TALDO1: variants seen among roughly 807,000 people sequenced by gnomAD.
The protein encoded by TALDO1 is transaldolase 1.
Under a neutral mutation model 38.1 loss-of-function variants are expected in TALDO1, and 29 were observed. That is an observed-to-expected ratio of 0.76 (90% CI 0.57 to 1.04). The LOEUF is 1.04. Ranked by LOEUF, TALDO1 falls within the 50% of genes least tolerant of loss-of-function variation. The pLI, the probability that TALDO1 is intolerant of heterozygous loss-of-function variation, is 0.00. For missense variants in TALDO1, 499 were observed against 438.1 expected (o/e 1.14, Z -1.24); for synonymous variants, 207 against 176.8 (o/e 1.17, Z -1.36).
chr11:764,946 G>C lies in TALDO1; in HGVS notation c.*101G>C. ...CTTGCGTTTTTTACAAATTGGAGCA[G>C]GGACAGATCATAGATTTCTGATTTT... On this transcript the variant is annotated 3_prime_UTR_variant, in exon 8 of 8. Coordinates refer to ENST00000319006, the MANE Select transcript of TALDO1 (RefSeq NM_006755.2). The C allele has an allele frequency of 6.7e-7, 1 of 1,503,186 alleles. No individual in the cohort carries two copies. Among genetic ancestry groups the C allele is most frequent in the Non-Finnish European group, 9.2e-7 (1 of 1,082,066 alleles). The allele number at this position is 1,503,186 out of a possible 1,614,324, so 93.1% of individuals were successfully genotyped here.
At chr11:763,314 GCCCC>G in intron 4 of TALDO1, 26 bp from the exon 5 acceptor site, 6 of 568,282 alleles carry the variant, frequency 1.1e-5, no homozygotes, top group Non-Finnish European at 1.0e-5. Context: ...GCCCTCACCT[GCCCC>G]GCCCTCACCT....
intron 1 of TALDO1, among the ~76,000 whole-genome samples, chr11:753,975 G>A (rs1862792204): frequency 6.6e-6 from 1 of 151,246 alleles, no homozygotes; most frequent in Admixed American, 6.6e-5. Flanking sequence ...TGGTTACTCT[G>A]AAGAAAAAAA....
chr11:763,349 T>G lies in TALDO1; in HGVS notation c.467T>G (p.Leu156Arg). 1 of 1,571,346 alleles carries G rather than the reference T, an allele frequency of 6.4e-7. No homozygotes were observed. The highest frequency in any genetic ancestry group is 8.7e-7 in the Non-Finnish European group (1 of 1,155,738). ...CACCTGTCCCCGCCCCGCAGGGAGC[T>G]CGAGGAGCAGCACGGCATCCACTGC... is the stretch of plus-strand genomic sequence containing the variant. ...TWEGIQAGKE[L>R]EEQHGIHCNM... Residue 156 changes from leucine to arginine, a missense_variant, in exon 5 of 8, where the codon CTC (leucine) becomes CGC (arginine). By Grantham distance (102) the Leu-to-Arg change is moderately radical (BLOSUM62 -2). Transcript: ENST00000319006.
chr11:760,402 T>C, intron 4 of TALDO1, 149 bp downstream of exon 4: 2 of 1,207,802 alleles, frequency 1.7e-6, no homozygotes, highest in Non-Finnish European at 2.4e-6. Flanking sequence ...GACCAGCTCA[T>C]GTCAGCCTAG....
chr11:755,808 G>A, intron 1 of TALDO1, 71 bp from the exon 2 acceptor site: 1 of 1,611,666 alleles, frequency 6.2e-7, no homozygotes, highest in Non-Finnish European at 8.5e-7. Flanking sequence ...GGAATTACAG[G>A]GTTCCTTCAC....
At chr11:760,100 TG>T (rs970361727) in intron 3 of TALDO1, 21 bp from the exon 4 acceptor site, 12 of 1,613,290 alleles carry the variant, frequency 7.4e-6, no homozygotes, top group South Asian at 4.4e-5. Flanking sequence ...TCTGAGGGGA[TG>T]GGTTCTTCTT....
chr11:748,401 G>A (rs1449953313), intron 1 of TALDO1, among the ~76,000 whole-genome samples: 1 of 136,110 alleles, frequency 7.3e-6, no homozygotes, highest in Non-Finnish European at 1.6e-5. Context: ...ACATTGGAGA[G>A]AACTTGGAAA....
intron 2 of TALDO1, 123 bp from the exon 3 acceptor site, chr11:758,827 G>T: frequency 1.5e-6 from 1 of 659,482 alleles, no homozygotes; most frequent in Admixed American, 1.9e-5. Flanking sequence ...GGATGGTCTT[G>T]ATCTCCTGAC....
rs1281117342 is a variant in TALDO1, at chr11:763,451, T to C, written c.569T>C (p.Val190Ala). 5 of 1,613,326 alleles carry C rather than the reference T, an allele frequency of 3.1e-6. No individual in the cohort carries two copies. Among genetic ancestry groups the C allele is most frequent in the Non-Finnish European group, 3.4e-6 (4 of 1,179,856 alleles). ...EAGVTLISPF[V>A]GRILDWHVAN... is the part of the protein sequence containing the mutation. ...GGTGTGACCCTCATCTCCCCATTTGTTGGGCGCATCCTTGATTGGCATGTG... is the reference window on the plus strand; with the variant it reads ...GGTGTGACCCTCATCTCCCCATTTGCTGGGCGCATCCTTGATTGGCATGTG... The change falls in exon 5 of 8, where the codon GTT (valine) becomes GCT (alanine). Residue 190 changes from valine (V) to alanine (A), a missense_variant. Physicochemically the swap from Val to Ala is moderately conservative, Grantham distance 64. Coordinates refer to ENST00000319006, the MANE Select transcript of TALDO1 (RefSeq NM_006755.2).
chr11:755,941 C>G lies in TALDO1; in HGVS notation c.160C>G (p.Gln54Glu). 6.2e-7 allele frequency: 1 copy of G among 1,614,206 alleles called. No homozygotes were observed. The highest frequency in any genetic ancestry group is 8.5e-7 in the Non-Finnish European group (1 of 1,180,034). The change falls in exon 2 of 8, where the codon CAG (glutamine) becomes GAG (glutamate). Residue 54 changes from glutamine (Q) to glutamate (E), a missense_variant. Transcript: ENST00000319006. ...CCCGTCCCTGATCCTGGCCGCAGCA[C>G]AGATGCCCGCTTACCAGGAGCTGGT... ...TNPSLILAAA[Q>E]MPAYQELVEE...
In TALDO1 at chr11:760,248, T is replaced by G. The variant is rs1243160190; in HGVS notation, c.456T>G (p.Ala152=). ...CATCAACCTGGGAAGGAATTCAGGC[T>G]GGAAAGTAAGTGGTCCCCCACAAGG... ...KLSSTWEGIQ[A]GKELEEQHGI... Residue 152 remains alanine, a synonymous_variant, in exon 4 of 8, where the codon GCT becomes GCG. Transcript: ENST00000319006. 1 of 1,614,038 alleles carries G rather than the reference T, an allele frequency of 6.2e-7. No individual in the cohort carries two copies. The highest frequency in any genetic ancestry group is 1.1e-5 in the South Asian group (1 of 91,088).
intron 2 of TALDO1, among the ~76,000 whole-genome samples, 157 bp from the exon 3 acceptor site, chr11:758,793 G>C (rs1050684252): frequency 6.6e-6 from 1 of 152,062 alleles, no homozygotes; most frequent in Non-Finnish European, 1.5e-5. Context: ...TTTTAGTGGA[G>C]ACGGGGTTTC....
At chr11:763,007 TTG>T (rs1862965367) in intron 4 of TALDO1, among the ~76,000 whole-genome samples, 1 of 152,206 alleles carries the variant, frequency 6.6e-6, no homozygotes, top group African/African-American at 2.4e-5. Context: ...CCTTTGTCTA[TTG>T]TGTCATGTGG....
At chr11:755,857 C>A (rs1283182462) in intron 1 of TALDO1, 22 bp from the exon 2 acceptor site, 8 of 1,614,152 alleles carry the variant, frequency 5.0e-6, no homozygotes, top group Non-Finnish European at 6.8e-6. Context: ...CTTACTTTGG[C>A]TTTTGAAAAC....
In TALDO1 at chr11:764,440, G is replaced by A. The variant is rs1564994977; in HGVS notation, c.981+7G>A. On this transcript the variant is annotated splice_region_variant and intron_variant, in intron 7 of 7. Coordinates refer to ENST00000319006, the MANE Select transcript of TALDO1 (RefSeq NM_006755.2). ...GCTGGAGCGGATGCTGACAGTGAGT[G>A]TTGTGTGTGGGTACCTACATATGCC... 6.2e-7 allele frequency: 1 copy of A among 1,613,840 alleles called. No individual in the cohort carries two copies. The highest frequency in any genetic ancestry group is 8.5e-7 in the Non-Finnish European group (1 of 1,179,818).
intron 1 of TALDO1, among the ~76,000 whole-genome samples, chr11:752,631 A>G (rs1350129106): frequency 1.3e-5 from 2 of 152,202 alleles, no homozygotes; most frequent in African/African-American, 4.8e-5. Context: ...ACCTGAACAC[A>G]TGGAGCCTCC....
At chr11:755,647 G>A in intron 1 of TALDO1, 2 of 577,462 alleles carry the variant, frequency 3.5e-6, no homozygotes, top group South Asian at 3.7e-5. Context: ...TCTTGCAGGG[G>A]CATATTTGAT....
intron 1 of TALDO1, 86 bp from the exon 2 acceptor site, chr11:755,793 C>T: frequency 1.2e-6 from 2 of 1,602,290 alleles, no homozygotes; most frequent in East Asian, 2.2e-5. Context: ...CCCCTAACGT[C>T]CTGGGGAATT....
intron 2 of TALDO1, among the ~76,000 whole-genome samples, chr11:758,159 C>A (rs1192320071): frequency 1.3e-5 from 2 of 152,202 alleles, no homozygotes; most frequent in Non-Finnish European, 2.9e-5. Context: ...TGGCGGGCGC[C>A]TGTAGTCCCA....
Sources: allele counts gnomAD v4.1 joint callset (sites outside exome capture counted in the v4.1 genomes callset), GRCh38; gene constraint gnomAD v4.1.1; transcripts MANE v1.5; gene names NCBI Gene and HGNC (gene_info 2026-07-23, HGNC 2026-07-21).